TARBP1: variants seen among roughly 807,000 people sequenced by gnomAD.
TARBP1 encodes the protein tRNA guanosine 2 -O-methyltransferase TARBP1, also known as tRNA (guanosine(18)-2'-O)-methyltransferase TARBP1.
TARBP1 carries 144 observed loss-of-function variants against 178.6 expected under a neutral mutation model. The observed-to-expected ratio is 0.81, with a 90% confidence interval of 0.70 to 0.93. The LOEUF is 0.93. Ranked by LOEUF, TARBP1 falls within the 40% of genes least tolerant of loss-of-function variation. The pLI, the probability that TARBP1 is intolerant of heterozygous loss-of-function variation, is 0.00. For missense variants in TARBP1, 2,067 were observed against 2,011.7 expected, an observed-to-expected ratio of 1.03 and a Z score of -0.53; for synonymous variants, 787 against 781.0, an observed-to-expected ratio of 1.01 and a Z score of -0.13.
At chr1:234,454,177 C>T (rs1406890316) in intron 9 of TARBP1, among the ~76,000 whole-genome samples, 3 of 152,094 alleles carry the variant, frequency 2.0e-5, no homozygotes, top group African/African-American at 7.2e-5. Flanking sequence ...TTAAACCTCA[C>T]AACTCATACA....
At chr1:234,471,838 C>T (rs271774) in intron 2 of TARBP1, among the ~76,000 whole-genome samples, 37,032 of 152,082 alleles carry the variant, frequency 0.24, 5,043 homozygotes, top group Non-Finnish European at 0.31. Flanking sequence ...TACTCCTCAT[C>T]CTTGCATCTA....
chr1:234,397,930 G>C (rs1329483202), intron 26 of TARBP1, among the ~76,000 whole-genome samples: 1 of 149,670 alleles, frequency 6.7e-6, no homozygotes, highest in Non-Finnish European at 1.5e-5. Context: ...AGACAGAGGA[G>C]AAGGGATAAC....
rs745339016 is a variant in TARBP1, at chr1:234,396,493, G to T, written c.4243+1889C>A. Among the ~76,000 whole-genome samples, 7 of 151,986 alleles carry T rather than the reference G, an allele frequency of 4.6e-5. 1 individual carries two copies. Among genetic ancestry groups the T allele is most frequent in the Non-Finnish European group, 1.0e-4 (7 of 67,998 alleles). On this transcript the variant is annotated intron_variant, in intron 26 of 29. Transcript: ENST00000040877. ...TCTTCACCCTGCTTTGTTTTTTCAC[G>T]GTACTTCTACTACCAGACACTGTGT... is the stretch of plus-strand genomic sequence containing the variant.
intron 4 of TARBP1, among the ~76,000 whole-genome samples, chr1:234,466,451 G>T (rs1187823832): frequency 6.6e-6 from 1 of 152,202 alleles, no homozygotes; most frequent in Non-Finnish European, 1.5e-5. Flanking sequence ...GGCAGAGGTT[G>T]CAGTGAGCTG....
Position 234,392,473 on chromosome 1 carries a change from G to A in TARBP1, c.4640C>T (p.Ala1547Val). 1 of 1,614,172 alleles carries A rather than the reference G, an allele frequency of 6.2e-7. No homozygotes were observed. The highest frequency in any genetic ancestry group is 2.2e-5 in the East Asian group (1 of 44,886). Residue 1547 changes from alanine (A) to valine (V), a missense_variant, in exon 29 of 30, where the codon GCC becomes GTC. By Grantham distance (64) the Ala-to-Val change is moderately conservative. Transcript: ENST00000040877. ...GYTIIGVEQTAKSLDLTQYCF... is the reference protein window; with the variant it reads ...GYTIIGVEQTVKSLDLTQYCF... Reference sequence around the variant, plus strand: ...ATATTGGGTTAGGTCTAAACTTTTGGCAGTTTGTTCCACTCCAATGATGGT... The same window carrying A: ...ATATTGGGTTAGGTCTAAACTTTTGACAGTTTGTTCCACTCCAATGATGGT...
intron 24 of TARBP1, among the ~76,000 whole-genome samples, chr1:234,402,506 A>G (rs1660785449): frequency 1.3e-5 from 2 of 152,208 alleles, no homozygotes; most frequent in Admixed American, 1.3e-4. Flanking sequence ...AGAAAATTAT[A>G]GACACCAGTA....
chr1:234,437,534 ACTTAAT>A (rs1377661400), intron 12 of TARBP1, among the ~76,000 whole-genome samples, 162 bp from the exon 13 acceptor site: 1 of 152,216 alleles, frequency 6.6e-6, no homozygotes, highest in Non-Finnish European at 1.5e-5. Context: ...GGAAAGCTAT[ACTTAAT>A]CTTAAGTCAC....
Position 234,405,913 on chromosome 1 carries a change from G to A in TARBP1, c.3979C>T (p.His1327Tyr). 6.2e-7 allele frequency: 1 copy of A among 1,613,980 alleles called. No homozygotes were observed. The highest frequency in any genetic ancestry group is 8.5e-7 in the Non-Finnish European group (1 of 1,179,918). ...ACGAGGGCTCCTTACCCTGCTCCGT[G>A]CATGCTTTCCACTTGATGGAGGCTG... is the stretch of plus-strand genomic sequence containing the variant. ...ESSLHQVESMHGAGNAKKNWQ... is the reference protein window; with the variant it reads ...ESSLHQVESMYGAGNAKKNWQ... The change falls in exon 24 of 30, where the codon CAC (histidine) becomes TAC (tyrosine). Residue 1327 changes from histidine to tyrosine, a missense_variant. Transcript: ENST00000040877.
Position 234,417,305 on chromosome 1 carries a change from C to T in TARBP1, c.3705+779G>A, listed in dbSNP as rs534767523. The stretch of plus-strand genomic sequence containing the variant: ...ACAAGCGTGAAGAATTCAGTGAGGT[C>T]CCAAAGGAGACACAAACAGGTCACA... On this transcript the variant is annotated intron_variant, in intron 22 of 29. Transcript: ENST00000040877. 5.9e-5 allele frequency among the ~76,000 whole-genome samples: 9 copies of T among 151,996 alleles called. No individual in the cohort carries two copies. The South Asian group carries it at 1.7e-3, about 28-fold the overall frequency.
At chr1:234,413,934 T>C (rs2103075129) in intron 22 of TARBP1, among the ~76,000 whole-genome samples, 1 of 152,266 alleles carries the variant, frequency 6.6e-6, no homozygotes, top group African/African-American at 2.4e-5. Flanking sequence ...AGGTTTCTGG[T>C]TTGTGCAACT....
intron 19 of TARBP1, 89 bp from the exon 20 acceptor site, chr1:234,425,882 C>A: frequency 9.5e-7 from 1 of 1,054,030 alleles, no homozygotes; most frequent in Non-Finnish European, 1.4e-6. Flanking sequence ...ATTACACGAT[C>A]AAAACCTCTC....
intron 2 of TARBP1, 134 bp downstream of exon 2, chr1:234,472,580 C>A (rs271775): frequency 0.57 from 333,681 of 581,116 alleles, 99,642 homozygotes; most frequent in East Asian, 0.9. Context: ...TTATGCCAGA[C>A]AACAAAGTAT....
chr1:234,415,803 G>A (rs1180881946), intron 22 of TARBP1, among the ~76,000 whole-genome samples: 1 of 152,174 alleles, frequency 6.6e-6, no homozygotes, highest in Non-Finnish European at 1.5e-5. Flanking sequence ...TGGCCTGCCT[G>A]TGGTTGCATT....
intron 28 of TARBP1, 44 bp from the exon 29 acceptor site, chr1:234,392,596 G>A: frequency 6.3e-7 from 1 of 1,577,096 alleles, no homozygotes; most frequent in African/African-American, 1.4e-5. Context: ...TTCAGTTATA[G>A]CCCTGCTTGG....
In TARBP1 at chr1:234,398,383, T is replaced by C. The variant is rs933690648; in HGVS notation, c.4242A>G (p.Ile1414Met). Residue 1414 changes from isoleucine to methionine, a missense_variant and splice_region_variant, in exon 26 of 30, where the codon ATA becomes ATG. Ile to Met is a conservative substitution (Grantham distance 10). Coordinates refer to ENST00000040877, the MANE Select transcript of TARBP1 (RefSeq NM_005646.4). ...LKPGDWSQQDIGTNLVEADNQ... is the reference protein window; with the variant it reads ...LKPGDWSQQDMGTNLVEADNQ... ...AATAAAATGAAAATTATTTTTTACC[T>C]ATGTCTTGCTGAGACCAGTCACCTG... The C allele has an allele frequency of 6.3e-7, 1 of 1,574,950 alleles. No individual in the cohort carries two copies. The highest frequency in any genetic ancestry group is 1.4e-5 in the African/African-American group (1 of 73,674).
chr1:234,457,616 A>T, intron 9 of TARBP1, 51 bp downstream of exon 9: 1 of 1,332,202 alleles, frequency 7.5e-7, no homozygotes, highest in Non-Finnish European at 1.0e-6. Context: ...TCATTAAGAA[A>T]ACCATTTTTT....
intron 11 of TARBP1, among the ~76,000 whole-genome samples, chr1:234,447,363 A>AAAAC (rs1666290104): frequency 7.1e-6 from 1 of 140,140 alleles, no homozygotes; most frequent in Non-Finnish European, 1.5e-5. Context: ...AAAAAAAAAA[A>AAAAC]CCTAAGGATT....
chr1:234,421,308 C>T (rs1237600909), intron 20 of TARBP1, among the ~76,000 whole-genome samples: 2 of 152,084 alleles, frequency 1.3e-5, no homozygotes, highest in African/African-American at 2.4e-5. Flanking sequence ...AGGCTGGCCT[C>T]GAGCTCCTGA....
rs770080697 is a variant in TARBP1 at position 234,478,281 on chromosome 1, G to A, written c.823C>T (p.Gln275Ter). ...CGCTTGCGCGTCAGGGCGTCCGCCT[G>A]GCCCAGCCCCGCCTGCACCGTCCTC... ...FWRTVQAGLG[Q>*]ADALTRKRAR... is the part of the protein sequence containing the mutation. Residue 275 changes from glutamine (Q) to a stop codon, truncating the protein, a stop_gained, in exon 1 of 30, where the codon CAG becomes TAG. Coordinates refer to ENST00000040877, the MANE Select transcript of TARBP1 (RefSeq NM_005646.4). LOFTEE classifies it high-confidence loss of function. 3 of 1,582,152 alleles carry A rather than the reference G, an allele frequency of 1.9e-6. No homozygotes were observed. Among genetic ancestry groups the A allele is most frequent in the Admixed American group, 1.7e-5 (1 of 57,692 alleles).
Sources: gnomAD v4.1 joint callset for allele counts (sites outside exome capture counted in the v4.1 genomes callset) on GRCh38, gnomAD v4.1.1 for gene constraint, MANE v1.5 for transcripts, NCBI Gene and HGNC (gene_info 2026-07-23, HGNC 2026-07-21) for gene names.